Variants in PEMT observed in about 807,000 individuals in gnomAD.
PEMT encodes the protein phosphatidylethanolamine N-methyltransferase.
PEMT carries 23 observed loss-of-function variants against 27.4 expected under a neutral mutation model. The observed-to-expected ratio is 0.84, with a 90% confidence interval of 0.60 to 1.19. The LOEUF is 1.19. Ranked by LOEUF, PEMT falls within the 50% of genes most tolerant of loss-of-function variation. The probability of loss-of-function intolerance (pLI) is 0.00; values close to 1 mark genes in which losing one functional copy is unlikely to be tolerated. For synonymous variants in PEMT, 137 were observed against 139.1 expected, an observed-to-expected ratio of 0.98 and a Z score of 0.11; for missense variants, 307 against 310.1, an observed-to-expected ratio of 0.99 and a Z score of 0.07.
At chr17:17,533,159 C>G (rs1908228416) in intron 2 of PEMT, among the ~76,000 whole-genome samples, 1 of 152,248 alleles carries the variant, frequency 6.6e-6, no homozygotes, top group South Asian at 2.1e-4. Context: ...GAATAGCATA[C>G]AGAGCCCAGA....
intron 3 of PEMT, among the ~76,000 whole-genome samples, chr17:17,521,820 G>A (rs530807505): frequency 7.9e-5 from 12 of 152,230 alleles, no homozygotes; most frequent in African/African-American, 1.2e-4. Context: ...ACCCGCCTCG[G>A]CCTCCCAAAG....
rs534254571 is a variant in PEMT at position 17,563,424 on chromosome 17, C to T, written c.204+13496G>A. Among the ~76,000 whole-genome samples, 6 of 152,150 alleles carry T rather than the reference C, an allele frequency of 3.9e-5. No homozygotes were observed. The East Asian group carries it at 1.2e-3, about 29-fold the overall frequency. Reference sequence around the variant, plus strand: ...CTCAGCCCCACCTCGCAGGGAGGTACCATCTCTGAGTTCCACGGAAATGCG... The same window carrying T: ...CTCAGCCCCACCTCGCAGGGAGGTATCATCTCTGAGTTCCACGGAAATGCG... On this transcript the variant is annotated intron_variant, in intron 2 of 6. Coordinates refer to ENST00000255389, the MANE Select transcript of PEMT (RefSeq NM_148172.3).
intron 2 of PEMT, among the ~76,000 whole-genome samples, chr17:17,563,137 G>A (rs958842169): frequency 1.5e-4 from 23 of 152,220 alleles, no homozygotes; most frequent in Non-Finnish European, 4.4e-5. Flanking sequence ...TGGGCGCTAG[G>A]GGTGCAGGAA....
chr17:17,584,755 C>T (rs1912151875), intron 1 of PEMT, among the ~76,000 whole-genome samples: 2 of 152,242 alleles, frequency 1.3e-5, no homozygotes, highest in Non-Finnish European at 2.9e-5. Flanking sequence ...AACCAGCTGC[C>T]AAGCTCTGGC....
intron 2 of PEMT, among the ~76,000 whole-genome samples, chr17:17,562,332 G>A (rs575912401): frequency 6.6e-6 from 1 of 152,310 alleles, no homozygotes; most frequent in African/African-American, 2.4e-5. Flanking sequence ...CCACGACAGT[G>A]GCAGGAGTGT....
intron 2 of PEMT, among the ~76,000 whole-genome samples, chr17:17,551,846 C>G (rs529538570): frequency 1.3e-5 from 2 of 152,296 alleles, no homozygotes; most frequent in East Asian, 3.9e-4. Context: ...GGGAACCTAC[C>G]TGAGACTGAG....
At chr17:17,522,244 G>C (rs929294226) in intron 3 of PEMT, 36 bp downstream of exon 3, 2 of 1,483,390 alleles carry the variant, frequency 1.3e-6, no homozygotes, top group Non-Finnish European at 1.9e-6. Flanking sequence ...CGCTAGCCCA[G>C]GGGTTGTGGC....
chr17:17,537,171 T>A (rs1291231422), intron 2 of PEMT, among the ~76,000 whole-genome samples: 1 of 152,234 alleles, frequency 6.6e-6, no homozygotes, highest in Non-Finnish European at 1.5e-5. Flanking sequence ...CTGTCCTGAA[T>A]GTGGGGCTGC....
upstream of PEMT, chr17:17,591,748 T>C: frequency 1.4e-6 from 2 of 1,452,832 alleles, no homozygotes; most frequent in Non-Finnish European, 1.8e-6. Flanking sequence ...CCCCAACATA[T>C]TCCGGCCTTC....
chr17:17,557,044 G>A (rs1453003076), intron 2 of PEMT, among the ~76,000 whole-genome samples: 2 of 152,190 alleles, frequency 1.3e-5, no homozygotes, highest in East Asian at 3.9e-4. Flanking sequence ...ACCTTGCTGA[G>A]CTGCTTCTAG....
At chr17:17,577,141 C>G (rs1911654887) in intron 1 of PEMT, 114 bp from the exon 2 acceptor site, 4 of 750,176 alleles carry the variant, frequency 5.3e-6, no homozygotes, top group African/African-American at 1.7e-5. Flanking sequence ...TGGGAACATC[C>G]AAGTCCGGCA....
chr17:17,514,519 G>A (rs566566676), intron 3 of PEMT, among the ~76,000 whole-genome samples: 16 of 152,326 alleles, frequency 1.1e-4, no homozygotes, highest in Admixed American at 7.2e-4. Context: ...GTTAAACAGC[G>A]GCATTCGGGT....
At chr17:17,544,030 C>T (rs1179258353) in intron 2 of PEMT, among the ~76,000 whole-genome samples, 1 of 152,100 alleles carries the variant, frequency 6.6e-6, no homozygotes. Context: ...CTTAATGCCT[C>T]CTATAGGACT....
At chr17:17,554,234 C>G (rs898882900) in intron 2 of PEMT, among the ~76,000 whole-genome samples, 38 of 152,246 alleles carry the variant, frequency 2.5e-4, no homozygotes, top group African/African-American at 8.7e-4. Flanking sequence ...AGACCCGGCC[C>G]CCTCCCCTCA....
chr17:17,576,647 T>C (rs1270862034), intron 2 of PEMT, among the ~76,000 whole-genome samples: 1 of 152,060 alleles, frequency 6.6e-6, no homozygotes, highest in Non-Finnish European at 1.5e-5. Flanking sequence ...ATGGCAGCGT[T>C]CTCCTGCAGG....
At chr17:17,533,524 C>G (rs1017147040) in intron 2 of PEMT, among the ~76,000 whole-genome samples, 1 of 152,166 alleles carries the variant, frequency 6.6e-6, no homozygotes, top group African/African-American at 2.4e-5. Context: ...ATGATTCTAT[C>G]ATGAAAATAC....
At chr17:17,545,562 T>A (rs1909199607) in intron 2 of PEMT, among the ~76,000 whole-genome samples, 1 of 152,132 alleles carries the variant, frequency 6.6e-6, no homozygotes, top group Non-Finnish European at 1.5e-5. Context: ...GCATGCTGAG[T>A]CTTGGCTTCA....
intron 3 of PEMT, among the ~76,000 whole-genome samples, chr17:17,516,396 C>T (rs1205911591): frequency 6.6e-6 from 1 of 151,696 alleles, no homozygotes; most frequent in Non-Finnish European, 1.5e-5. Flanking sequence ...AATAACACGT[C>T]ACCTTTCCAA....
chr17:17,534,082 A>G (rs1263418655), intron 2 of PEMT, among the ~76,000 whole-genome samples: 1 of 152,144 alleles, frequency 6.6e-6, no homozygotes, highest in Non-Finnish European at 1.5e-5. Context: ...TGACCCAGCC[A>G]TTCCACTCCT....
Sources: gnomAD v4.1 joint callset for allele counts (sites outside exome capture counted in the v4.1 genomes callset) on GRCh38, gnomAD v4.1.1 for gene constraint, MANE v1.5 for transcripts, NCBI Gene and HGNC (gene_info 2026-07-23, HGNC 2026-07-21) for gene names.